LRRC72: variants seen among roughly 807,000 people sequenced by gnomAD.
LRRC72 encodes the protein leucine-rich repeat-containing protein 72.
Under a neutral mutation model 35.8 loss-of-function variants are expected in LRRC72, and 41 were observed. The observed-to-expected ratio is 1.15, with a 90% CI of 0.89 to 1.49. The LOEUF (loss-of-function observed/expected upper bound fraction) is 1.49, where lower values mean the gene tolerates loss of function less well. Ranked by LOEUF, LRRC72 falls within the 40% of genes most tolerant of loss-of-function variation. The pLI is 0.00. For synonymous variants in LRRC72, 118 were observed against 119.2 expected, an observed-to-expected ratio of 0.99 and a Z score of 0.07; for missense variants, 389 against 330.7, an observed-to-expected ratio of 1.18 and a Z score of -1.37.
chr7:16,544,921 C>T (rs541053277), intron 3 of LRRC72, among the ~76,000 whole-genome samples: 29 of 152,144 alleles, frequency 1.9e-4, no homozygotes, highest in South Asian at 4.2e-4. Flanking sequence ...CATAAAAGGA[C>T]GCTTCTGGCG....
chr7:16,551,564 C>T (rs79032023), intron 3 of LRRC72, among the ~76,000 whole-genome samples: 12,603 of 152,078 alleles, frequency 0.083, 627 homozygotes, highest in East Asian at 0.15. Flanking sequence ...TCACCAATGG[C>T]CAATGATTTA....
rs182594266 is a variant in LRRC72 at position 16,566,395 on chromosome 7, C to T, written c.510C>T (p.Asp170=). Residue 170 remains aspartate (D), a synonymous_variant, in exon 6 of 9, where the codon GAC becomes GAT. Transcript: ENST00000401542. The part of the protein sequence containing the change: ...IYHLPGVELL[D]RNQVTEKERR... ...ACCTTCCAGGAGTGGAGCTGCTTGA[C>T]CGAAATCGTAAGGACCCTTCCTTCT... is the stretch of plus-strand genomic sequence containing the variant. 8.2e-4 allele frequency: 1,272 copies of T among 1,542,402 alleles called. 4 individuals carry two copies. Among genetic ancestry groups the T allele is most frequent in the Admixed American group, 1.2e-3 (59 of 50,060 alleles).
At chr7:16,531,196 A>T (rs1418494417) in intron 1 of LRRC72, among the ~76,000 whole-genome samples, 1 of 151,236 alleles carries the variant, frequency 6.6e-6, no homozygotes, top group African/African-American at 2.4e-5. Context: ...AAAAAAAAAG[A>T]AAAACAAAAA....
intron 3 of LRRC72, among the ~76,000 whole-genome samples, chr7:16,556,366 T>A (rs1384650932): frequency 6.6e-6 from 1 of 152,188 alleles, no homozygotes; most frequent in East Asian, 1.9e-4. Context: ...AGTGATTAAC[T>A]GTACAAGTCA....
chr7:16,544,104 T>C (rs1447816679), intron 3 of LRRC72, among the ~76,000 whole-genome samples: 10 of 152,198 alleles, frequency 6.6e-5, no homozygotes, highest in Non-Finnish European at 1.3e-4. Context: ...GCTCTGCTCC[T>C]AGCAAGTACA....
rs764256624 is a variant in LRRC72, at chr7:16,526,985, C to T, written c.33C>T (p.Thr11=). The change falls in exon 1 of 9, where the codon ACC becomes ACT. Residue 11 remains threonine, a synonymous_variant. Transcript: ENST00000401542. ...GGGACCCGAACCCCGTGCCCCGTAC[C>T]TTGCGATGCTGGCGCCTACGGAGGG... The part of the protein sequence containing the change: MSWDPNPVPR[T]LRCWRLRRAS... 1.0e-5 allele frequency: 16 copies of T among 1,540,014 alleles called. No homozygotes were observed. The highest frequency in any genetic ancestry group is 1.2e-5 in the Non-Finnish European group (14 of 1,146,942).
Position 16,574,583 on chromosome 7 carries a change from G to C in LRRC72, c.671-5491G>C, listed in dbSNP as rs539029659. Among the ~76,000 whole-genome samples the C allele has an allele frequency of 2.0e-5, 3 of 152,156 alleles. No homozygotes were observed. In the South Asian group the frequency reaches 6.2e-4, roughly 32 times the overall value. On this transcript the variant is annotated intron_variant, in intron 7 of 8. Transcript: ENST00000401542. ...AAACACTGCATGTTCTCACTCATAAGTGGGAGTTGAACAATGAGAACACAT... is the reference window on the plus strand; with the variant it reads ...AAACACTGCATGTTCTCACTCATAACTGGGAGTTGAACAATGAGAACACAT...
rs11379958 is a variant in LRRC72 at position 16,567,552 on chromosome 7, T to TAAAA, written c.670+23_670+26dup. On this transcript the variant is annotated intron_variant, in intron 7 of 8. Coordinates refer to ENST00000401542, the MANE Select transcript of LRRC72 (RefSeq NM_001195280.2). ...CCAGAGAGTACCTTCAGGTATTTCGTAAAAAAAAAAAAAAAAACAAATTTA... is the reference window on the plus strand; with the variant it reads ...CCAGAGAGTACCTTCAGGTATTTCGTAAAAAAAAAAAAAAAAAAAAACAAATTTA... The TAAAA allele has an allele frequency of 9.7e-4, 1,057 of 1,090,882 alleles. No individual in the cohort carries two copies. Among genetic ancestry groups the TAAAA allele is most frequent in the South Asian group, 1.5e-3 (40 of 26,482 alleles). 67.6% of individuals were successfully genotyped at this position (1,090,882 alleles called of 1,614,324 possible).
At chr7:16,535,120 T>C (rs1583635254) in intron 2 of LRRC72, among the ~76,000 whole-genome samples, 1 of 151,760 alleles carries the variant, frequency 6.6e-6, no homozygotes, top group Non-Finnish European at 1.5e-5. Flanking sequence ...ACCTAGGAGG[T>C]GGAGGTTGCA....
intron 3 of LRRC72, among the ~76,000 whole-genome samples, chr7:16,549,921 T>G (rs1382940244): frequency 6.6e-6 from 1 of 152,220 alleles, no homozygotes; most frequent in Non-Finnish European, 1.5e-5. Context: ...AGGATAGTTA[T>G]TAAATTAACA....
intron 7 of LRRC72, among the ~76,000 whole-genome samples, chr7:16,575,005 C>T (rs1220384848): frequency 6.6e-6 from 1 of 151,908 alleles, no homozygotes; most frequent in Non-Finnish European, 1.5e-5. Flanking sequence ...ATTCCAGCTA[C>T]TTGGGAGGCT....
intron 3 of LRRC72, among the ~76,000 whole-genome samples, chr7:16,546,873 C>CACT (rs768920589): frequency 6.6e-6 from 1 of 152,186 alleles, no homozygotes; most frequent in Non-Finnish European, 1.5e-5. Context: ...TAAAATGTAA[C>CACT]ACTACTTCAC....
At chr7:16,572,738 G>A (rs956791504) in intron 7 of LRRC72, among the ~76,000 whole-genome samples, 1 of 152,080 alleles carries the variant, frequency 6.6e-6, no homozygotes, top group African/African-American at 2.4e-5. Flanking sequence ...TTTGAAAACT[G>A]GCACAAGACA....
At chr7:16,544,834 CAAGT>C (rs1369972258) in intron 3 of LRRC72, among the ~76,000 whole-genome samples, 4 of 152,144 alleles carry the variant, frequency 2.6e-5, no homozygotes, top group Non-Finnish European at 5.9e-5. Context: ...CCTCACCAAG[CAAGT>C]ATTCAAAATG....
intron 7 of LRRC72, among the ~76,000 whole-genome samples, chr7:16,569,437 AG>A (rs1782905465): frequency 6.6e-6 from 1 of 152,098 alleles, no homozygotes; most frequent in Non-Finnish European, 1.5e-5. Context: ...AAACAAGGAC[AG>A]GTCTCCTCAG....
rs546886561 is a variant in LRRC72 at position 16,537,808 on chromosome 7, T to G, written c.234+112T>G. The G allele has an allele frequency of 4.3e-4, 272 of 639,234 alleles. 1 individual carries two copies. In the African/African-American group the frequency reaches 4.7e-3, roughly 11 times the overall value. The allele number at this position is 639,234 out of a possible 1,614,324, so 39.6% of individuals were successfully genotyped here. A position where few individuals can be genotyped will look rare whatever the true frequency, so the allele number is the denominator to read the frequency against. ...TAAAATTTTTGCTTAAAATTTAAAT[T>G]GAGCTAAGAAACCCATATAAAACAT... On this transcript the variant is annotated intron_variant, in intron 3 of 8. Transcript: ENST00000401542.
At chr7:16,562,086 T>C (rs1030570028) in intron 5 of LRRC72, among the ~76,000 whole-genome samples, 1 of 152,182 alleles carries the variant, frequency 6.6e-6, no homozygotes, top group Non-Finnish European at 1.5e-5. Flanking sequence ...AAGGACTGCC[T>C]AGGAGACGCA....
At chr7:16,534,013 T>A (rs1346549861) in intron 2 of LRRC72, among the ~76,000 whole-genome samples, 1 of 152,218 alleles carries the variant, frequency 6.6e-6, no homozygotes, top group Admixed American at 6.5e-5. Context: ...TGACAGTAGA[T>A]AATTAATCGA....
intron 2 of LRRC72, 163 bp downstream of exon 2, chr7:16,532,731 G>A: frequency 1.5e-6 from 1 of 685,526 alleles, no homozygotes; most frequent in Non-Finnish European, 2.6e-6. Context: ...CTATTGGAGA[G>A]ACAAGATACT....
Sources: allele counts gnomAD v4.1 joint callset (sites outside exome capture counted in the v4.1 genomes callset), GRCh38; gene constraint gnomAD v4.1.1; transcripts MANE v1.5; gene names NCBI Gene and HGNC (gene_info 2026-07-23, HGNC 2026-07-21).